The following PIEZO2 variants were observed in gnomAD, a reference collection of about 807,000 sequenced individuals.
PIEZO2 encodes piezo type mechanosensitive ion channel component 2.
In PIEZO2, 172 loss-of-function variants were observed where a neutral mutation model predicts 337.3. The observed-to-expected ratio is 0.51, with a 90% CI of 0.45 to 0.58. The LOEUF (loss-of-function observed/expected upper bound fraction) is 0.58. Ranked by LOEUF, PIEZO2 falls within the 20% of genes least tolerant of loss-of-function variation. PIEZO2 has a pLI of 0.00. For missense variants in PIEZO2, 3,028 were observed against 3,391.3 expected (o/e 0.89, Z 2.66); for synonymous variants, 1,251 against 1,228.5 (o/e 1.02, Z -0.38).
intron 4 of PIEZO2, among the ~76,000 whole-genome samples, chr18:10,873,062 T>G (rs1485151487): frequency 6.6e-6 from 1 of 152,182 alleles, no homozygotes; most frequent in Non-Finnish European, 1.5e-5. Context: ...CATATATACA[T>G]ATTCATATGC....
chr18:10,886,376 GTGTGTA>G lies in PIEZO2; in HGVS notation c.330-14967_330-14962del, dbSNP rs1412646907. ...CACACACACACATATATATGTGTGT[GTGTGTA>G]TATATATATATATATATATATATAT... On this transcript the variant is annotated intron_variant, in intron 4 of 55. Transcript: ENST00000674853. 5.1e-3 allele frequency among the ~76,000 whole-genome samples: 70 copies of G among 13,798 alleles called. 1 individual carries two copies. Among genetic ancestry groups the G allele is most frequent in the East Asian group, 8.3e-3 (2 of 242 alleles). 9.1% of individuals were successfully genotyped at this position (13,798 alleles called of 152,430 possible). A position where few individuals can be genotyped will look rare whatever the true frequency, so the allele number is the denominator to read the frequency against.
intron 51 of PIEZO2, 88 bp from the exon 52 acceptor site, chr18:10,680,459 T>C: frequency 1.6e-6 from 2 of 1,225,942 alleles, no homozygotes; most frequent in Non-Finnish European, 2.3e-6. Context: ...TAACTGGCAG[T>C]ATGGAAAAGG....
In PIEZO2 at chr18:11,035,176, T is replaced by C. The variant is rs183460052; in HGVS notation, c.160+30951A>G. On this transcript the variant is annotated intron_variant, in intron 2 of 55. Transcript: ENST00000674853. This position sits in a 1 kb window ranked among gnomAD's most constrained non-coding sequence, Gnocchi z 4.3. ...TGGATACTGTCCTCTCTCCAATTTC[T>C]TGTTGAAATGTGATCCCCAATATTG... Among the ~76,000 whole-genome samples the C allele has an allele frequency of 3.3e-5, 5 of 152,316 alleles. No homozygotes were observed. In the East Asian group the frequency reaches 9.7e-4, roughly 29 times the overall value.
rs528676274 is a variant in PIEZO2 at position 10,983,899 on chromosome 18, T to A, written c.161-4239A>T. 1.5e-4 allele frequency among the ~76,000 whole-genome samples: 23 copies of A among 152,252 alleles called. No homozygotes were observed. In the South Asian group the frequency reaches 4.6e-3, roughly 30 times the overall value. ...GGGCATTGCCTTAGGGAATATAAAT[T>A]GAATGCTATCAGTACCAGGCCTGGT... On this transcript the variant is annotated intron_variant, in intron 2 of 55. Coordinates refer to ENST00000674853, the MANE Select transcript of PIEZO2 (RefSeq NM_001378183.1).
chr18:10,732,100 G>A (rs113087680), intron 35 of PIEZO2, among the ~76,000 whole-genome samples: 21 of 152,184 alleles, frequency 1.4e-4, no homozygotes, highest in Non-Finnish European at 2.6e-4. Context: ...AAGAAAAACT[G>A]TGGGGCTTTT....
intron 43 of PIEZO2, 135 bp downstream of exon 43, chr18:10,701,854 C>A: frequency 1.6e-5 from 9 of 563,446 alleles, no homozygotes; most frequent in East Asian, 7.2e-5. Flanking sequence ...TTAAAAAAAA[C>A]ATATGAGTAG....
intron 1 of PIEZO2, among the ~76,000 whole-genome samples, chr18:11,079,812 A>G (rs2038676322): frequency 6.6e-6 from 1 of 152,198 alleles, no homozygotes; most frequent in African/African-American, 2.4e-5. Context: ...ATGAAAAAGC[A>G]TGTCTACCAA....
chr18:11,018,191 ATGGTGGTGG>A (rs759749235), intron 2 of PIEZO2, among the ~76,000 whole-genome samples: 1,534 of 143,246 alleles, frequency 0.011, 32 homozygotes, highest in African/African-American at 0.037. Context: ...CAGTCATCGC[ATGGTGGTGG>A]TGGTGGTGGT....
At chr18:10,807,300 T>A in intron 7 of PIEZO2, 26 bp from the exon 8 acceptor site, 1 of 1,526,626 alleles carries the variant, frequency 6.6e-7, no homozygotes, top group Non-Finnish European at 8.8e-7. Context: ...GAAAAATGCT[T>A]AAAAGATGCA....
At position 10,671,274 on chromosome 18, in the gene PIEZO2, G is replaced by C. The variant is rs112747946; in HGVS notation, c.*253C>G. 2 of 352,230 alleles carry C rather than the reference G, an allele frequency of 5.7e-6. No homozygotes were observed. Among genetic ancestry groups the C allele is most frequent in the Admixed American group, 4.6e-5 (1 of 21,860 alleles). 21.8% of individuals were successfully genotyped at this position (352,230 alleles called of 1,614,324 possible). On this transcript the variant is annotated 3_prime_UTR_variant, in exon 56 of 56. Coordinates refer to ENST00000674853, the MANE Select transcript of PIEZO2 (RefSeq NM_001378183.1). ...TCCTTCACATGATCAATCAGAATGC[G>C]AGACACTGTTGACTAAAACATAAAG...
At position 10,724,971 on chromosome 18, in the gene PIEZO2, C is replaced by G; in HGVS notation, c.5029+6436G>C. 1 of 1,584,812 alleles carries G rather than the reference C, an allele frequency of 6.3e-7. No homozygotes were observed. The highest frequency in any genetic ancestry group is 1.1e-5 in the South Asian group (1 of 88,664). Reference sequence around the variant, plus strand: ...GGCGCACCCTGCGGCCTGCAGCCTCCCTGCCTCACATTACTAAGACTCAAA... The same window carrying G: ...GGCGCACCCTGCGGCCTGCAGCCTCGCTGCCTCACATTACTAAGACTCAAA... On this transcript the variant is annotated intron_variant, in intron 36 of 55. Transcript: ENST00000674853. This position sits in a 1 kb window ranked among gnomAD's most constrained non-coding sequence, Gnocchi z 5.8.
intron 2 of PIEZO2, among the ~76,000 whole-genome samples, chr18:11,004,227 T>C (rs2035643310): frequency 6.6e-6 from 1 of 152,112 alleles, no homozygotes; most frequent in Non-Finnish European, 1.5e-5. Context: ...TGAGTCCCCC[T>C]GGATGGAAAT....
chr18:10,927,851 AT>A (rs1024661897), intron 3 of PIEZO2, among the ~76,000 whole-genome samples: 10 of 152,108 alleles, frequency 6.6e-5, no homozygotes, highest in African/African-American at 1.9e-4. Flanking sequence ...GGCTCGCTTT[AT>A]TTTATTTTAT....
chr18:10,878,906 G>T lies in PIEZO2; in HGVS notation c.330-7491C>A, dbSNP rs1379324373. Among the ~76,000 whole-genome samples, 1 of 152,192 alleles carries T rather than the reference G, an allele frequency of 6.6e-6. No homozygotes were observed. The highest frequency in any genetic ancestry group is 1.5e-5 in the Non-Finnish European group (1 of 68,034). The stretch of plus-strand genomic sequence containing the variant: ...CGTGGCTGCTGGTAGTGCAGGTGGT[G>T]TTTTCACAATGAGTGTCAGGTGTGG... On this transcript the variant is annotated intron_variant, in intron 4 of 55. Coordinates refer to ENST00000674853, the MANE Select transcript of PIEZO2 (RefSeq NM_001378183.1). This position sits in a 1 kb window ranked among gnomAD's most constrained non-coding sequence, Gnocchi z 4.3.
intron 1 of PIEZO2, among the ~76,000 whole-genome samples, chr18:11,134,069 G>A (rs1395687140): frequency 6.6e-6 from 1 of 152,108 alleles, no homozygotes; most frequent in East Asian, 1.9e-4. Flanking sequence ...TAAGGCAGAG[G>A]AATGATATCT....
At chr18:10,907,180 C>T (rs531102566) in intron 4 of PIEZO2, among the ~76,000 whole-genome samples, 4 of 152,250 alleles carry the variant, frequency 2.6e-5, no homozygotes, top group East Asian at 3.9e-4. Context: ...TGGTGGTTCA[C>T]GCCTGTAATC....
At chr18:10,857,291 T>C in intron 5 of PIEZO2, 80 bp from the exon 6 acceptor site, 2 of 1,219,514 alleles carry the variant, frequency 1.6e-6, no homozygotes, top group Non-Finnish European at 2.3e-6. Context: ...TTCTAATTCA[T>C]GGGTCAGTCA....
intron 2 of PIEZO2, among the ~76,000 whole-genome samples, chr18:11,061,119 G>C (rs972459687): frequency 4.6e-5 from 7 of 152,120 alleles, no homozygotes; most frequent in Non-Finnish European, 7.3e-5. Context: ...ATCAATAAAC[G>C]TAATCCAGCA....
At position 11,142,814 on chromosome 18, in the gene PIEZO2, C is replaced by T. The variant is rs113621136; in HGVS notation, c.64+5711G>A. Among the ~76,000 whole-genome samples, 1,121 of 147,230 alleles carry T rather than the reference C, an allele frequency of 7.6e-3. 14 individuals carry two copies. The highest frequency in any genetic ancestry group is 0.026 in the Middle Eastern group (7 of 266). Reference sequence around the variant, plus strand: ...AAAAAAAGGACCGGGCACGGTGGCTCACACCTGTAATCCCAGTACTTTGGG... The same window carrying T: ...AAAAAAAGGACCGGGCACGGTGGCTTACACCTGTAATCCCAGTACTTTGGG... On this transcript the variant is annotated intron_variant, in intron 1 of 55. Transcript: ENST00000674853.
Sources: gnomAD v4.1 joint callset for allele counts (sites outside exome capture counted in the v4.1 genomes callset) on GRCh38, gnomAD v4.1.1 for gene constraint, Gnocchi (gnomAD v3.1) non-coding constraint, MANE v1.5 for transcripts, NCBI Gene and HGNC (gene_info 2026-07-23, HGNC 2026-07-21) for gene names.